Variants in ARHGAP26 observed in about 807,000 individuals in gnomAD.
ARHGAP26 encodes Rho GTPase activating protein 26, also known as rho GTPase-activating protein 26.
Under a neutral mutation model 104.8 loss-of-function variants are expected in ARHGAP26, and 38 were observed. The ratio of observed to expected loss-of-function variants is 0.36; its 90% CI spans 0.28 to 0.48. The LOEUF is 0.48. Ranked by LOEUF, ARHGAP26 falls within the 20% of genes least tolerant of loss-of-function variation. The probability of loss-of-function intolerance (pLI) is 0.99; values close to 1 mark genes in which losing one functional copy is unlikely to be tolerated. For missense variants in ARHGAP26, 704 were observed against 947.9 expected, an observed-to-expected ratio of 0.74 and a Z score of 3.38; for synonymous variants, 341 against 340.0, an observed-to-expected ratio of 1.00 and a Z score of -0.03.
chr5:142,851,189 C>T (rs752156223), intron 1 of ARHGAP26, among the ~76,000 whole-genome samples: 9 of 151,388 alleles, frequency 5.9e-5, no homozygotes, highest in Non-Finnish European at 1.0e-4. Context: ...CTCTGCCTCA[C>T]GAGTTAAAGC....
chr5:142,991,940 G>A (rs1418070898), intron 11 of ARHGAP26, among the ~76,000 whole-genome samples: 1 of 152,194 alleles, frequency 6.6e-6, no homozygotes, highest in South Asian at 2.1e-4. Flanking sequence ...ACTTCCATGA[G>A]TTGCATATGG....
intron 20 of ARHGAP26, among the ~76,000 whole-genome samples, chr5:143,154,388 A>G (rs916550859): frequency 2.6e-5 from 4 of 152,168 alleles, no homozygotes; most frequent in African/African-American, 9.7e-5. Flanking sequence ...ACCTCCTCAA[A>G]TAGGTGGCAT....
At chr5:143,147,013 C>T (rs959477383) in intron 19 of ARHGAP26, among the ~76,000 whole-genome samples, 13 of 152,120 alleles carry the variant, frequency 8.5e-5, no homozygotes, top group Admixed American at 2.0e-4. Context: ...CCTGTTATGA[C>T]GAGGAAAGGG....
At chr5:142,830,339 G>C (rs1300692274) in intron 1 of ARHGAP26, among the ~76,000 whole-genome samples, 1 of 152,122 alleles carries the variant, frequency 6.6e-6, no homozygotes, top group Non-Finnish European at 1.5e-5. Flanking sequence ...CTTCTAATTA[G>C]TGCAATTGAG....
At chr5:142,793,483 C>T (rs1760308890) in intron 1 of ARHGAP26, among the ~76,000 whole-genome samples, 1 of 151,872 alleles carries the variant, frequency 6.6e-6, no homozygotes, top group Non-Finnish European at 1.5e-5. Context: ...GAGTTGAACC[C>T]CTTCAGGTCT....
At chr5:142,796,791 C>G (rs1761070302) in intron 1 of ARHGAP26, among the ~76,000 whole-genome samples, 1 of 152,246 alleles carries the variant, frequency 6.6e-6, no homozygotes, top group Non-Finnish European at 1.5e-5. Context: ...TTCCCAGCAT[C>G]AGTCCACTGA....
intron 17 of ARHGAP26, among the ~76,000 whole-genome samples, chr5:143,082,225 C>T (rs77243725): frequency 6.6e-6 from 1 of 151,716 alleles, no homozygotes; most frequent in Non-Finnish European, 1.5e-5. Context: ...ACTTGTCCCA[C>T]CCCCCAAGAC....
At chr5:142,880,170 G>A (rs920134438) in intron 4 of ARHGAP26, among the ~76,000 whole-genome samples, 5 of 151,862 alleles carry the variant, frequency 3.3e-5, no homozygotes, top group Non-Finnish European at 5.9e-5. Flanking sequence ...GACTGCAAAG[G>A]GAATCCTGTT....
At chr5:142,869,189 CTTTTTCTTTTTCT>C (rs999427845) in intron 1 of ARHGAP26, among the ~76,000 whole-genome samples, 6 of 147,728 alleles carry the variant, frequency 4.1e-5, no homozygotes, top group Non-Finnish European at 7.4e-5. Context: ...CTTTTCTTTT[CTTTTTCTTTTTCT>C]TTTTTCTTTT....
chr5:143,181,178 T>C (rs971606324), intron 20 of ARHGAP26, among the ~76,000 whole-genome samples: 1 of 152,216 alleles, frequency 6.6e-6, no homozygotes, highest in Non-Finnish European at 1.5e-5. Context: ...TGTTCTACCA[T>C]GCAAGCTTGA....
intron 11 of ARHGAP26, among the ~76,000 whole-genome samples, chr5:142,958,636 C>T (rs962469058): frequency 4.6e-5 from 7 of 152,224 alleles, no homozygotes; most frequent in African/African-American, 1.4e-4. Context: ...CACTGCACTC[C>T]AGCCTGAGCT....
chr5:143,181,244 C>T (rs1804306427), intron 20 of ARHGAP26, among the ~76,000 whole-genome samples: 1 of 152,228 alleles, frequency 6.6e-6, no homozygotes, highest in Non-Finnish European at 1.5e-5. Context: ...CTATATACTC[C>T]TTAATCCTTT....
chr5:142,972,146 C>T (rs1296603531), intron 11 of ARHGAP26, among the ~76,000 whole-genome samples: 2 of 151,150 alleles, frequency 1.3e-5, no homozygotes, highest in Non-Finnish European at 2.9e-5. Flanking sequence ...TGTGCCACTG[C>T]ACTCCATCCT....
intron 7 of ARHGAP26, among the ~76,000 whole-genome samples, chr5:142,903,107 C>T (rs1760602483): frequency 6.6e-6 from 1 of 152,162 alleles, no homozygotes; most frequent in Admixed American, 6.5e-5. Flanking sequence ...AGTGAAGGAA[C>T]TCCCCTTTTA....
chr5:142,848,556 CAT>C (rs752937583), intron 1 of ARHGAP26, among the ~76,000 whole-genome samples: 1 of 152,186 alleles, frequency 6.6e-6, no homozygotes, highest in Admixed American at 6.5e-5. Flanking sequence ...CTTTGTCTAA[CAT>C]ATGTGTTAGA....
intron 11 of ARHGAP26, among the ~76,000 whole-genome samples, chr5:142,995,236 G>A (rs530217697): frequency 2.9e-3 from 447 of 152,298 alleles, no homozygotes; most frequent in Non-Finnish European, 5.0e-3. Context: ...GCAACCTACA[G>A]AAAGGGAGAA....
At chr5:142,862,865 T>G (rs1365224675) in intron 1 of ARHGAP26, among the ~76,000 whole-genome samples, 1 of 152,234 alleles carries the variant, frequency 6.6e-6, no homozygotes, top group African/African-American at 2.4e-5. Flanking sequence ...CACATCATTG[T>G]GAAGACATCA....
intron 11 of ARHGAP26, among the ~76,000 whole-genome samples, chr5:142,987,251 G>A (rs1173742920): frequency 6.6e-6 from 1 of 152,140 alleles, no homozygotes; most frequent in Non-Finnish European, 1.5e-5. Flanking sequence ...TATTCTCTTT[G>A]AAGCAATTGT....
intron 17 of ARHGAP26, among the ~76,000 whole-genome samples, chr5:143,058,812 C>T (rs1384905925): frequency 1.3e-5 from 2 of 152,180 alleles, no homozygotes; most frequent in Non-Finnish European, 2.9e-5. Flanking sequence ...TCATTTCCAT[C>T]AAGAAGCCAA....
Sources: allele counts gnomAD v4.1 joint callset (sites outside exome capture counted in the v4.1 genomes callset), GRCh38; gene constraint gnomAD v4.1.1; transcripts MANE v1.5; gene names NCBI Gene and HGNC (gene_info 2026-07-23, HGNC 2026-07-21).